The following CUX2 variants were observed in gnomAD, a reference collection of about 807,000 sequenced individuals.
The protein encoded by CUX2 is cut like homeobox 2.
CUX2 carries 40 observed loss-of-function variants against 144.8 expected under a neutral mutation model. The observed-to-expected ratio is 0.28, with a 90% CI of 0.21 to 0.36. The LOEUF is 0.36. Ranked by LOEUF, CUX2 falls within the 10% of genes least tolerant of loss-of-function variation. The pLI, the probability that CUX2 is intolerant of heterozygous loss-of-function variation, is 1.00. For missense variants in CUX2, 1,615 were observed against 1,994.0 expected, an observed-to-expected ratio of 0.81 and a Z score of 3.62; for synonymous variants, 827 against 875.6, an observed-to-expected ratio of 0.94 and a Z score of 0.98.
chr12:111,124,366 G>T (rs1429625859), intron 1 of CUX2, among the ~76,000 whole-genome samples: 1 of 152,208 alleles, frequency 6.6e-6, no homozygotes, highest in Admixed American at 6.5e-5. Context: ...TGAACAAAAA[G>T]ATATGATGAA....
chr12:111,118,386 C>T (rs1392499383), intron 1 of CUX2, among the ~76,000 whole-genome samples: 3 of 152,280 alleles, frequency 2.0e-5, no homozygotes, highest in Non-Finnish European at 2.9e-5. Context: ...CCCTGTACAT[C>T]TCTCCCTAGC....
chr12:111,136,074 A>G (rs1875864679), intron 1 of CUX2, among the ~76,000 whole-genome samples: 1 of 151,878 alleles, frequency 6.6e-6, no homozygotes. Flanking sequence ...GGAGCCTCAA[A>G]GGTTTGGAGT....
chr12:111,345,375 G>T (rs28877654), intron 21 of CUX2, among the ~76,000 whole-genome samples: 43,537 of 147,772 alleles, frequency 0.29, 7,567 homozygotes, highest in East Asian at 0.68. Flanking sequence ...CCCAGGAGGC[G>T]GAGGTTGCAG....
In CUX2 at chr12:111,074,871, T is replaced by C. The variant is rs554647393; in HGVS notation, c.63+40631T>C. ...ACCACTGTTGGGGACACCGTGCCCC[T>C]CGGGCCCAGGCCTGAGCCTCTCGAG... On this transcript the variant is annotated intron_variant, in intron 1 of 21. Coordinates refer to ENST00000261726, the MANE Select transcript of CUX2 (RefSeq NM_015267.4). Among the ~76,000 whole-genome samples, 60 of 152,114 alleles carry C rather than the reference T, an allele frequency of 3.9e-4. 1 individual carries two copies. Among genetic ancestry groups the C allele is most frequent in the South Asian group, 2.3e-3 (11 of 4,808 alleles).
chr12:111,291,980 T>C (rs1885718766), intron 5 of CUX2, among the ~76,000 whole-genome samples: 1 of 152,122 alleles, frequency 6.6e-6, no homozygotes, highest in Non-Finnish European at 1.5e-5. Context: ...AGGCCAGTGA[T>C]GGCTGAGTGT....
In CUX2 at chr12:111,318,473, C is replaced by T. The variant is rs142340142; in HGVS notation, c.2003-1539C>T. Among the ~76,000 whole-genome samples, 88 of 151,128 alleles carry T rather than the reference C, an allele frequency of 5.8e-4. 2 individuals carry two copies. In the East Asian group the frequency reaches 0.016, roughly 28 times the overall value. ...GCTCATACCTGTAGTCCTAGCTACT[C>T]GGGAGGCTGAGGCAGGAGAACCACT... On this transcript the variant is annotated intron_variant, in intron 16 of 21. Transcript: ENST00000261726.
intron 1 of CUX2, among the ~76,000 whole-genome samples, chr12:111,213,270 T>C (rs1292625515): frequency 1.3e-5 from 2 of 152,196 alleles, no homozygotes. Flanking sequence ...ACAGAGCATT[T>C]CTTGAATTAT....
chr12:111,290,987 C>T (rs763483810), intron 4 of CUX2, among the ~76,000 whole-genome samples: 13 of 152,010 alleles, frequency 8.6e-5, no homozygotes, highest in Non-Finnish European at 1.3e-4. Context: ...TTCAGCCTCC[C>T]GAATAGCTGG....
At chr12:111,182,712 G>A (rs567897367) in intron 1 of CUX2, among the ~76,000 whole-genome samples, 1 of 152,278 alleles carries the variant, frequency 6.6e-6, no homozygotes, top group South Asian at 2.1e-4. Context: ...TCAGACGAGC[G>A]GGTCCTGCAG....
At chr12:111,243,924 G>A (rs1565869386) in intron 3 of CUX2, among the ~76,000 whole-genome samples, 1 of 152,060 alleles carries the variant, frequency 6.6e-6, no homozygotes, top group Non-Finnish European at 1.5e-5. Context: ...CCTGCTCTTT[G>A]TATGTGGAAG....
intron 9 of CUX2, 67 bp downstream of exon 9, chr12:111,298,656 C>A: frequency 7.0e-7 from 1 of 1,438,648 alleles, no homozygotes; most frequent in Non-Finnish European, 9.6e-7. Context: ...GGGTCTCGGG[C>A]CAGATGAGGA....
At chr12:111,106,456 C>T (rs1048739972) in intron 1 of CUX2, among the ~76,000 whole-genome samples, 1 of 152,048 alleles carries the variant, frequency 6.6e-6, no homozygotes, top group African/African-American at 2.4e-5. Context: ...TGCCCCCAGT[C>T]CTGGCTAATA....
Position 111,037,991 on chromosome 12 carries a change from C to T in CUX2, c.63+3751C>T, listed in dbSNP as rs1468520779. On this transcript the variant is annotated intron_variant, in intron 1 of 21. Transcript: ENST00000261726. This position sits in a 1 kb window ranked among gnomAD's most constrained non-coding sequence, Gnocchi z 5.4. ...TGGGAGGAAGGGGCAAATTCTGCTT[C>T]GGGTGTCAGCAGTTGGGAGAAAGAT... 1.3e-5 allele frequency among the ~76,000 whole-genome samples: 2 copies of T among 152,122 alleles called. No homozygotes were observed. The highest frequency in any genetic ancestry group is 4.8e-5 in the African/African-American group (2 of 41,416).
intron 1 of CUX2, among the ~76,000 whole-genome samples, chr12:111,038,991 G>A (rs1256304831): frequency 6.6e-6 from 1 of 151,832 alleles, no homozygotes; most frequent in Non-Finnish European, 1.5e-5. Flanking sequence ...TTAAAAAGAG[G>A]ATTCTATCTT....
At position 111,250,624 on chromosome 12, in the gene CUX2, CAG is replaced by C. The variant is rs372246355; in HGVS notation, c.223-13136_223-13135del. On this transcript the variant is annotated intron_variant, in intron 3 of 21. Coordinates refer to ENST00000261726, the MANE Select transcript of CUX2 (RefSeq NM_015267.4). ...GGAAGACATCCTCATCAGTTGCACA[CAG>C]GGGGCTGGTGGCAATTGTCTGTGGT... is the stretch of plus-strand genomic sequence containing the variant. Among the ~76,000 whole-genome samples the C allele has an allele frequency of 3.3e-5, 5 of 152,322 alleles. No individual in the cohort carries two copies. In the South Asian group the frequency reaches 6.2e-4, roughly 19 times the overall value.
Position 111,334,714 on chromosome 12 carries a change from C to T in CUX2, c.3196+4C>T, listed in dbSNP as rs781252838. On this transcript the variant is annotated splice_donor_region_variant and intron_variant, in intron 19 of 21. Transcript: ENST00000261726. Reference sequence around the variant, plus strand: ...GTCCTCACAGACAACAATCTAGGTACGGAGCGGGTGGGAATCGGAGAGGCT... The same window carrying T: ...GTCCTCACAGACAACAATCTAGGTATGGAGCGGGTGGGAATCGGAGAGGCT... The T allele has an allele frequency of 1.1e-5, 17 of 1,596,246 alleles. No homozygotes were observed. Among genetic ancestry groups the T allele is most frequent in the African/African-American group, 8.0e-5 (6 of 74,610 alleles).
At chr12:111,256,647 T>C (rs576347568) in intron 3 of CUX2, among the ~76,000 whole-genome samples, 99 of 152,204 alleles carry the variant, frequency 6.5e-4, no homozygotes, top group South Asian at 4.8e-3. Context: ...AGAAGCACAG[T>C]TTGCAGCTGC....
At chr12:111,183,146 T>C (rs1042566056) in intron 1 of CUX2, among the ~76,000 whole-genome samples, 4 of 152,248 alleles carry the variant, frequency 2.6e-5, no homozygotes, top group African/African-American at 9.6e-5. Context: ...CTGAAGTTTA[T>C]GTGCTTCACC....
rs1366828466 is a variant in CUX2 at position 111,246,892 on chromosome 12, C to T, written c.223-16869C>T. On this transcript the variant is annotated intron_variant, in intron 3 of 21. Coordinates refer to ENST00000261726, the MANE Select transcript of CUX2 (RefSeq NM_015267.4). This position sits in a 1 kb window ranked among gnomAD's most constrained non-coding sequence, Gnocchi z 4.0. Reference sequence around the variant, plus strand: ...CCTCCTCAAAGCGCTGCTTCCCTGCCACCCTCTGCTGTGGTCTATGTCTTT... The same window carrying T: ...CCTCCTCAAAGCGCTGCTTCCCTGCTACCCTCTGCTGTGGTCTATGTCTTT... Among the ~76,000 whole-genome samples the T allele has an allele frequency of 2.6e-5, 4 of 152,180 alleles. No individual in the cohort carries two copies. The highest frequency in any genetic ancestry group is 5.9e-5 in the Non-Finnish European group (4 of 68,046).
Sources: gnomAD v4.1 joint callset for allele counts (sites outside exome capture counted in the v4.1 genomes callset) on GRCh38, gnomAD v4.1.1 for gene constraint, Gnocchi (gnomAD v3.1) non-coding constraint, MANE v1.5 for transcripts, NCBI Gene and HGNC (gene_info 2026-07-23, HGNC 2026-07-21) for gene names.